SH3RF3: variants seen among roughly 807,000 people sequenced by gnomAD.
SH3RF3 encodes E3 ubiquitin-protein ligase SH3RF3.
In SH3RF3, 29 loss-of-function variants were observed where a neutral mutation model predicts 66.3. The ratio of observed to expected loss-of-function variants is 0.44; its 90% CI spans 0.33 to 0.60. The LOEUF is 0.60. SH3RF3 is among the 20% of genes least tolerant of loss of function. The probability of loss-of-function intolerance (pLI) is 0.04; values close to 1 mark genes in which losing one functional copy is unlikely to be tolerated. For synonymous variants in SH3RF3, 583 were observed against 532.0 expected (o/e 1.10, Z -1.32); for missense variants, 1,194 against 1,190.9 (o/e 1.00, Z -0.04).
At chr2:109,192,918 T>A (rs918409658) in intron 1 of SH3RF3, among the ~76,000 whole-genome samples, 3 of 152,208 alleles carry the variant, frequency 2.0e-5, no homozygotes, top group African/African-American at 7.2e-5. Flanking sequence ...TGCCAGTTAC[T>A]ATCATCATAG....
At chr2:109,374,029 A>G (rs1046389540) in intron 3 of SH3RF3, among the ~76,000 whole-genome samples, 12 of 152,150 alleles carry the variant, frequency 7.9e-5, no homozygotes, top group African/African-American at 2.9e-4. Context: ...TTCCTGCAGC[A>G]TGACTGCCTG....
At chr2:109,263,082 G>A (rs1166897496) in intron 1 of SH3RF3, among the ~76,000 whole-genome samples, 1 of 152,126 alleles carries the variant, frequency 6.6e-6, no homozygotes, top group Non-Finnish European at 1.5e-5. Flanking sequence ...CTGACCTTAG[G>A]TAATTCACCC....
At chr2:109,450,983 G>A (rs987578498) in intron 8 of SH3RF3, among the ~76,000 whole-genome samples, 3 of 152,182 alleles carry the variant, frequency 2.0e-5, no homozygotes, top group Non-Finnish European at 2.9e-5. Flanking sequence ...GCGCTGACTC[G>A]GCGGGCTCTC....
Position 109,335,875 on chromosome 2 carries a change from A to T in SH3RF3, c.574-11799A>T, listed in dbSNP as rs142792803. On this transcript the variant is annotated intron_variant, in intron 1 of 9. Transcript: ENST00000309415. Reference sequence around the variant, plus strand: ...TATGAAAATGCTTAGAAAACTTGAAAGCATAAAGTGAATGTGAAAGATGTA... The same window carrying T: ...TATGAAAATGCTTAGAAAACTTGAATGCATAAAGTGAATGTGAAAGATGTA... Among the ~76,000 whole-genome samples, 868 of 152,354 alleles carry T rather than the reference A, an allele frequency of 5.7e-3. 9 individuals are homozygous for T. The highest frequency in any genetic ancestry group is 0.02 in the African/African-American group (830 of 41,578).
At chr2:109,425,129 T>C (rs888447664) in intron 5 of SH3RF3, among the ~76,000 whole-genome samples, 1 of 152,238 alleles carries the variant, frequency 6.6e-6, no homozygotes. Context: ...CAACATTCCC[T>C]TAAGCCAAAG....
intron 4 of SH3RF3, among the ~76,000 whole-genome samples, chr2:109,418,006 C>G (rs1676770245): frequency 6.6e-6 from 1 of 152,090 alleles, no homozygotes; most frequent in African/African-American, 2.4e-5. Context: ...GGTGGCTCTC[C>G]CTCCCATCTG....
intron 1 of SH3RF3, among the ~76,000 whole-genome samples, chr2:109,226,349 A>G (rs527399784): frequency 6.6e-6 from 1 of 152,264 alleles, no homozygotes; most frequent in East Asian, 1.9e-4. Context: ...CTAAAGTCAC[A>G]TTGACTCAGG....
chr2:109,175,421 T>C (rs927357509), intron 1 of SH3RF3, among the ~76,000 whole-genome samples: 1 of 152,216 alleles, frequency 6.6e-6, no homozygotes, highest in Non-Finnish European at 1.5e-5. Context: ...ATGCAAACTT[T>C]TTGGCAGTCG....
intron 5 of SH3RF3, among the ~76,000 whole-genome samples, chr2:109,425,108 C>T (rs565807782): frequency 6.6e-6 from 1 of 152,292 alleles, no homozygotes; most frequent in Non-Finnish European, 1.5e-5. Flanking sequence ...GATAGAAGAT[C>T]AAACCAACTG....
intron 8 of SH3RF3, among the ~76,000 whole-genome samples, chr2:109,482,176 G>T (rs1420098929): frequency 6.6e-6 from 1 of 152,132 alleles, no homozygotes. Context: ...CTCAGAGCCT[G>T]TTTTTTCTTC....
At chr2:109,395,587 C>T (rs983439140) in intron 3 of SH3RF3, among the ~76,000 whole-genome samples, 2 of 152,182 alleles carry the variant, frequency 1.3e-5, no homozygotes, top group East Asian at 3.9e-4. Flanking sequence ...CACCGGCCTT[C>T]GGCTGGGGTT....
Position 109,427,255 on chromosome 2 carries a change from C to T in SH3RF3, c.1404-5246C>T, listed in dbSNP as rs998979867. Reference sequence around the variant, plus strand: ...AAGTGCTGGGATTACAGGCGTGAGTCACCGTGCCTGGACAAAGAAAATATT... The same window carrying T: ...AAGTGCTGGGATTACAGGCGTGAGTTACCGTGCCTGGACAAAGAAAATATT... On this transcript the variant is annotated intron_variant, in intron 5 of 9. Transcript: ENST00000309415. Among the ~76,000 whole-genome samples, 9 of 152,310 alleles carry T rather than the reference C, an allele frequency of 5.9e-5. No homozygotes were observed. The Middle Eastern group carries it at 0.027, about 460-fold the overall frequency.
chr2:109,247,390 A>T (rs1425754318), intron 1 of SH3RF3, among the ~76,000 whole-genome samples: 2 of 152,222 alleles, frequency 1.3e-5, no homozygotes, highest in African/African-American at 2.4e-5. Flanking sequence ...AACCTAGCAC[A>T]CTTGTGTAAG....
chr2:109,301,031 A>G (rs1681454270), intron 1 of SH3RF3, among the ~76,000 whole-genome samples: 1 of 152,234 alleles, frequency 6.6e-6, no homozygotes, highest in Non-Finnish European at 1.5e-5. Flanking sequence ...CTCACTTGAA[A>G]GTTGGGAGAC....
At chr2:109,200,110 A>G (rs1205514144) in intron 1 of SH3RF3, among the ~76,000 whole-genome samples, 1 of 152,140 alleles carries the variant, frequency 6.6e-6, no homozygotes, top group Non-Finnish European at 1.5e-5. Flanking sequence ...AGTGATGTGG[A>G]GGAAATGTTA....
rs1426908064 is a variant in SH3RF3, at chr2:109,374,357, G to A, written c.945+2676G>A. ...GATACAGGCTCCCGGACTCTCAGCA[G>A]CCACTGAAGACCAGCCTGAACAGGT... On this transcript the variant is annotated intron_variant, in intron 3 of 9. Transcript: ENST00000309415. Among the ~76,000 whole-genome samples, 4 of 152,220 alleles carry A rather than the reference G, an allele frequency of 2.6e-5. No individual in the cohort carries two copies. The East Asian group carries it at 7.7e-4, about 29-fold the overall frequency.
At chr2:109,320,044 C>T (rs1020164967) in intron 1 of SH3RF3, among the ~76,000 whole-genome samples, 13 of 152,184 alleles carry the variant, frequency 8.5e-5, no homozygotes, top group Admixed American at 6.5e-4. Flanking sequence ...TAGGTCTTCA[C>T]GGAGCTACTT....
chr2:109,191,283 T>G (rs1269094337), intron 1 of SH3RF3, among the ~76,000 whole-genome samples: 1 of 152,108 alleles, frequency 6.6e-6, no homozygotes, highest in Non-Finnish European at 1.5e-5. Context: ...AGGGAGTTGT[T>G]GCAAATGGAA....
At chr2:109,225,933 A>C (rs1184812049) in intron 1 of SH3RF3, among the ~76,000 whole-genome samples, 1 of 152,152 alleles carries the variant, frequency 6.6e-6, no homozygotes, top group East Asian at 1.9e-4. Context: ...GCCAGCTAAA[A>C]GTTTGCTTTC....
Sources: allele counts gnomAD v4.1 joint callset (sites outside exome capture counted in the v4.1 genomes callset), GRCh38; gene constraint gnomAD v4.1.1; transcripts MANE v1.5; gene names NCBI Gene and HGNC (gene_info 2026-07-23, HGNC 2026-07-21).